The following PYY variants were observed in gnomAD, a reference collection of about 807,000 sequenced individuals.
PYY encodes peptide tyrosine tyrosine.
PYY carries 12 observed loss-of-function variants against 10.3 expected under a neutral mutation model. The ratio of observed to expected loss-of-function variants is 1.17; its 90% CI spans 0.75 to 1.89. The LOEUF is 1.89. Ranked by LOEUF, PYY falls within the 40% of genes most tolerant of loss-of-function variation. PYY has a pLI of 0.00. For missense variants in PYY, 141 were observed against 134.0 expected (o/e 1.05, Z -0.26); for synonymous variants, 66 against 62.0 (o/e 1.06, Z -0.30).
chr17:43,983,509 G>A (rs1405389036), intron 1 of PYY, among the ~76,000 whole-genome samples: 2 of 152,326 alleles, frequency 1.3e-5, no homozygotes, highest in East Asian at 1.9e-4. Context: ...CTGTTCCCAA[G>A]GGGAGAATGA....
rs1025981285 is a variant in PYY at position 43,952,850 on chromosome 17, C to T, written c.*106G>A. Reference sequence around the variant, plus strand: ...GCGGAGGGCCGCACCCGAACCCTGCCCAGACGCCGCCGTCGGGAGGCAGAA... The same window carrying T: ...GCGGAGGGCCGCACCCGAACCCTGCTCAGACGCCGCCGTCGGGAGGCAGAA... On this transcript the variant is annotated 3_prime_UTR_variant, in exon 4 of 4. Transcript: ENST00000692052. The T allele has an allele frequency of 2.0e-4, 262 of 1,325,018 alleles. No individual in the cohort carries two copies. The highest frequency in any genetic ancestry group is 2.5e-4 in the Non-Finnish European group (245 of 983,004). The allele number at this position is 1,325,018 out of a possible 1,614,324, so 82.1% of individuals were successfully genotyped here. A position where few individuals can be genotyped will look rare whatever the true frequency, so the allele number is the denominator to read the frequency against.
At chr17:43,968,636 ACT>A (rs2048769605) in intron 1 of PYY, among the ~76,000 whole-genome samples, 1 of 152,108 alleles carries the variant, frequency 6.6e-6, no homozygotes, top group Non-Finnish European at 1.5e-5. Context: ...ATGTGGTGAA[ACT>A]CTGTCTCTAC....
chr17:43,983,217 G>A (rs570480435), intron 1 of PYY, among the ~76,000 whole-genome samples: 3 of 152,158 alleles, frequency 2.0e-5, no homozygotes, highest in African/African-American at 7.2e-5. Flanking sequence ...GGGTGACAGC[G>A]AGATGCTGTC....
intron 1 of PYY, among the ~76,000 whole-genome samples, chr17:43,982,409 C>G (rs1206515811): frequency 6.6e-6 from 1 of 152,230 alleles, no homozygotes; most frequent in East Asian, 1.9e-4. Context: ...GTCTCCTCTA[C>G]TGATTGAGGA....
At position 43,952,911 on chromosome 17, in the gene PYY, G is replaced by A; in HGVS notation, c.*45C>T. ...TGGGGTCGGGAGTGCGTATGCAAAT[G>A]ACGTGGGCGTGGTTGGCAGATCTCC... On this transcript the variant is annotated 3_prime_UTR_variant, in exon 4 of 4. Coordinates refer to ENST00000692052, the MANE Select transcript of PYY (RefSeq NM_001394028.1). 3.3e-6 allele frequency: 5 copies of A among 1,524,442 alleles called. No individual in the cohort carries two copies. Among genetic ancestry groups the A allele is most frequent in the South Asian group, 1.3e-5 (1 of 78,382 alleles). 94.4% of individuals were successfully genotyped at this position (1,524,442 alleles called of 1,614,324 possible).
chr17:43,954,567 A>G (rs1388514312), upstream of PYY, among the ~76,000 whole-genome samples: 1 of 152,162 alleles, frequency 6.6e-6, no homozygotes, highest in Middle Eastern at 3.2e-3. Context: ...AGAGTTGGAA[A>G]AGAGGCAGGA....
chr17:43,995,962 T>G (rs1021419235), intron 1 of PYY, among the ~76,000 whole-genome samples: 1 of 151,936 alleles, frequency 6.6e-6, no homozygotes, highest in Non-Finnish European at 1.5e-5. Context: ...TAAGACTAGC[T>G]GGGCAACATA....
chr17:43,964,951 A>G (rs557724710), intron 2 of PYY, among the ~76,000 whole-genome samples: 2 of 152,350 alleles, frequency 1.3e-5, no homozygotes, highest in South Asian at 4.1e-4. Context: ...GTCCTTGAGA[A>G]CAAGAATTTA....
At chr17:43,973,959 A>T (rs141239349) in intron 1 of PYY, among the ~76,000 whole-genome samples, 1 of 152,086 alleles carries the variant, frequency 6.6e-6, no homozygotes, top group Non-Finnish European at 1.5e-5. Context: ...CCAAAGCTTC[A>T]TGAGACCTCT....
intron 1 of PYY, among the ~76,000 whole-genome samples, chr17:43,968,437 C>T (rs1597847990): frequency 1.3e-5 from 2 of 152,058 alleles, no homozygotes; most frequent in Non-Finnish European, 2.9e-5. Flanking sequence ...TACCCTGAGA[C>T]CAAAATGAAA....
At chr17:43,976,161 A>G (rs2048834827) in intron 1 of PYY, among the ~76,000 whole-genome samples, 1 of 128,044 alleles carries the variant, frequency 7.8e-6, no homozygotes, top group Non-Finnish European at 1.5e-5. Flanking sequence ...ATATGTATAC[A>G]TGCATGCATA....
intron 1 of PYY, among the ~76,000 whole-genome samples, chr17:43,985,416 T>C (rs77941802): frequency 2.0e-5 from 3 of 152,188 alleles, no homozygotes; most frequent in Non-Finnish European, 2.9e-5. Flanking sequence ...ACTATACTCA[T>C]AGACCAGGCT....
intron 1 of PYY, among the ~76,000 whole-genome samples, chr17:43,978,948 T>G (rs1315358884): frequency 2.0e-5 from 3 of 152,172 alleles, no homozygotes; most frequent in African/African-American, 7.2e-5. Context: ...TAAAGGTCTG[T>G]TTTTCTTCTG....
chr17:43,978,897 C>A (rs2143935268), intron 1 of PYY, among the ~76,000 whole-genome samples: 1 of 152,342 alleles, frequency 6.6e-6, no homozygotes, highest in South Asian at 2.1e-4. Context: ...GTCGGTCTAA[C>A]CCTTAAACTG....
chr17:43,963,620 AAG>A (rs1366189516), intron 2 of PYY, among the ~76,000 whole-genome samples: 1 of 89,664 alleles, frequency 1.1e-5, no homozygotes, highest in African/African-American at 3.4e-5. Flanking sequence ...GAAAGAAAGA[AAG>A]AAAGAGAAAG....
intron 1 of PYY, among the ~76,000 whole-genome samples, chr17:43,985,533 G>T (rs929887873): frequency 7.2e-5 from 11 of 152,218 alleles, no homozygotes; most frequent in African/African-American, 2.7e-4. Context: ...GCCATGGCAA[G>T]TTCCCTCACA....
chr17:44,002,128 AG>A (rs1399170307), intron 1 of PYY, among the ~76,000 whole-genome samples: 1 of 152,154 alleles, frequency 6.6e-6, no homozygotes, highest in East Asian at 1.9e-4. Context: ...AAGATTTCTA[AG>A]TGGGAAAACA....
Position 43,976,236 on chromosome 17 carries a change from C to T in PYY, c.-462-9704G>A, listed in dbSNP as rs1247080617. On this transcript the variant is annotated intron_variant, in intron 1 of 6. Coordinates refer to the PYY transcript ENST00000360085. ...GTATATGTATACATATATACATATG[C>T]GTATATATACACATATGTATACATG... Among the ~76,000 whole-genome samples the T allele has an allele frequency of 3.7e-5, 5 of 133,562 alleles. 2 individuals are homozygous for T. Among genetic ancestry groups the T allele is most frequent in the Non-Finnish European group, 1.5e-5 (1 of 64,680 alleles). 87.6% of individuals were successfully genotyped at this position (133,562 alleles called of 152,430 possible). A position where few individuals can be genotyped will look rare whatever the true frequency, so the allele number is the denominator to read the frequency against.
At chr17:43,983,806 C>T (rs894183704) in intron 1 of PYY, among the ~76,000 whole-genome samples, 2 of 152,242 alleles carry the variant, frequency 1.3e-5, no homozygotes, top group Non-Finnish European at 1.5e-5. Context: ...CCGCGCGAGT[C>T]TGCTTGATGA....
Sources: gnomAD v4.1 joint callset for allele counts (sites outside exome capture counted in the v4.1 genomes callset) on GRCh38, gnomAD v4.1.1 for gene constraint, MANE v1.5 for transcripts, NCBI Gene and HGNC (gene_info 2026-07-23, HGNC 2026-07-21) for gene names.